Variants in CPLX2 observed in about 807,000 individuals in gnomAD.
CPLX2 encodes the protein complexin-2.
In CPLX2, 5 loss-of-function variants were observed where a neutral mutation model predicts 16.3. That is an observed-to-expected ratio of 0.31 (90% CI 0.16 to 0.64). CPLX2 has a LOEUF of 0.64. Ranked by LOEUF, CPLX2 falls within the 30% of genes least tolerant of loss-of-function variation. The probability of loss-of-function intolerance (pLI) is 0.79; values close to 1 mark genes in which losing one functional copy is unlikely to be tolerated. For synonymous variants in CPLX2, 89 were observed against 73.2 expected, an observed-to-expected ratio of 1.22 and a Z score of -1.10; for missense variants, 144 against 181.4, an observed-to-expected ratio of 0.79 and a Z score of 1.18.
At position 175,825,282 on chromosome 5, in the gene CPLX2, T is replaced by C. The variant is rs1005145410; in HGVS notation, c.-89+16214T>C. ...GGTGGCATGCACCTGTAGTCCCAGC[T>C]ACTTGGGAGGCTGAGGCAGAATTGC... On this transcript the variant is annotated intron_variant, in intron 2 of 4. Coordinates refer to the CPLX2 transcript ENST00000359546. 3.3e-5 allele frequency among the ~76,000 whole-genome samples: 5 copies of C among 151,914 alleles called. No individual in the cohort carries two copies. In the East Asian group the frequency reaches 9.7e-4, roughly 29 times the overall value.
At chr5:175,815,559 T>C (rs540852447) in intron 2 of CPLX2, among the ~76,000 whole-genome samples, 11 of 152,358 alleles carry the variant, frequency 7.2e-5, no homozygotes, top group African/African-American at 2.4e-4. Flanking sequence ...AGGAGTTCTA[T>C]GTGAAACTCC....
rs1755562333 is a variant in CPLX2, at chr5:175,880,587, C to A, written c.*542C>A. ...GGGATCTGGGTGGGAGGCTGGGGCT[C>A]TTCTTCTTCCATCTCCTTGGTGACA... On this transcript the variant is annotated 3_prime_UTR_variant, in exon 4 of 4. Transcript: ENST00000393745. 1 of 168,854 alleles carries A rather than the reference C, an allele frequency of 5.9e-6. No homozygotes were observed. Among genetic ancestry groups the A allele is most frequent in the Non-Finnish European group, 1.3e-5 (1 of 78,496 alleles). 10.5% of individuals were successfully genotyped at this position (168,854 alleles called of 1,614,324 possible). A position where few individuals can be genotyped will look rare whatever the true frequency, so the allele number is the denominator to read the frequency against.
chr5:175,818,748 G>A (rs1758455488), intron 2 of CPLX2, among the ~76,000 whole-genome samples: 1 of 130,280 alleles, frequency 7.7e-6, no homozygotes, highest in South Asian at 2.5e-4. Flanking sequence ...TGCAACCTCT[G>A]TCTCCCGGGT....
At chr5:175,811,981 C>T (rs1758320025) in intron 2 of CPLX2, among the ~76,000 whole-genome samples, 1 of 152,194 alleles carries the variant, frequency 6.6e-6, no homozygotes, top group African/African-American at 2.4e-5. Context: ...GGAAGGTCAA[C>T]TAGACTCAGC....
intron 2 of CPLX2, among the ~76,000 whole-genome samples, chr5:175,817,391 C>T (rs55890465): frequency 0.07 from 10,667 of 152,272 alleles, 463 homozygotes; most frequent in Non-Finnish European, 0.098. Context: ...TCTCTGACAT[C>T]ACGTGTCTAA....
intron 2 of CPLX2, among the ~76,000 whole-genome samples, chr5:175,820,973 T>C (rs1344871028): frequency 2.0e-5 from 3 of 152,148 alleles, no homozygotes; most frequent in East Asian, 1.9e-4. Context: ...CTGCTGGGGA[T>C]GGTGCGTCCT....
At chr5:175,822,411 G>A (rs1281164416) in intron 2 of CPLX2, among the ~76,000 whole-genome samples, 1 of 152,146 alleles carries the variant, frequency 6.6e-6, no homozygotes, top group Non-Finnish European at 1.5e-5. Flanking sequence ...TCATCATCTG[G>A]AAACAGCCTC....
chr5:175,814,974 G>T (rs1027179404), intron 2 of CPLX2, among the ~76,000 whole-genome samples: 3 of 152,210 alleles, frequency 2.0e-5, no homozygotes, highest in Non-Finnish European at 4.4e-5. Context: ...CGTGAGGGAG[G>T]GGTGGTTCCC....
At chr5:175,860,530 AAGAAAGAAAGATAGAT>A (rs1490352068) in intron 2 of CPLX2, among the ~76,000 whole-genome samples, 10 of 30,346 alleles carry the variant, frequency 3.3e-4, no homozygotes, top group African/African-American at 6.7e-4. Flanking sequence ...GAAAGAAAGA[AAGAAAGAAAGATAGAT>A]AGAAAGAAAG....
intron 1 of CPLX2, among the ~76,000 whole-genome samples, chr5:175,877,096 T>A (rs1049503268): frequency 6.6e-6 from 1 of 152,168 alleles, no homozygotes; most frequent in African/African-American, 2.4e-5. Context: ...GCAACCTTAA[T>A]ACTCCCCCAT....
At chr5:175,861,533 T>C (rs1759371582) in intron 2 of CPLX2, 1 of 152,060 alleles carries the variant, frequency 6.6e-6, no homozygotes, top group Non-Finnish European at 1.5e-5. Context: ...TTCACCGCCT[T>C]AATAGAGCCA....
chr5:175,817,033 C>G (rs1249112965), intron 2 of CPLX2, among the ~76,000 whole-genome samples: 1 of 152,266 alleles, frequency 6.6e-6, no homozygotes, highest in East Asian at 1.9e-4. Flanking sequence ...GGCTCAGACG[C>G]CAGTGCACTC....
chr5:175,842,706 G>A (rs1758966747), intron 2 of CPLX2, among the ~76,000 whole-genome samples: 1 of 152,298 alleles, frequency 6.6e-6, no homozygotes, highest in South Asian at 2.1e-4. Context: ...GCACTTGCAG[G>A]ACAGCTGCTC....
intron 2 of CPLX2, among the ~76,000 whole-genome samples, chr5:175,864,030 T>G (rs1759421252): frequency 6.6e-6 from 1 of 152,220 alleles, no homozygotes. Flanking sequence ...GTCTAGTGGT[T>G]AGTCTGCCCT....
chr5:175,857,055 C>A (rs1297274368), intron 2 of CPLX2, among the ~76,000 whole-genome samples: 1 of 152,184 alleles, frequency 6.6e-6, no homozygotes, highest in Admixed American at 6.5e-5. Flanking sequence ...TTATTAAAAC[C>A]TCCAAATGGC....
At position 175,883,815 on chromosome 5, in the gene CPLX2, G is replaced by A. The variant is rs569841606; in HGVS notation, c.*3770G>A. 92 of 152,776 alleles carry A rather than the reference G, an allele frequency of 6.0e-4. No individual in the cohort carries two copies. The highest frequency in any genetic ancestry group is 2.0e-3 in the African/African-American group (84 of 41,548). The allele number at this position is 152,776 out of a possible 1,614,324, so 9.5% of individuals were successfully genotyped here. On this transcript the variant is annotated 3_prime_UTR_variant, in exon 4 of 4. Transcript: ENST00000393745. The stretch of plus-strand genomic sequence containing the variant: ...GTGAGATGGACCATCCTGCCCCCGT[G>A]GGGGATCCCCTTTCCCACATCCGTG...
chr5:175,879,824 C>T lies in CPLX2; in HGVS notation c.208-24C>T, dbSNP rs371228931. The T allele has an allele frequency of 1.2e-5, 19 of 1,597,428 alleles. No homozygotes were observed. In the African/African-American group the frequency reaches 1.6e-4, roughly 13 times the overall value. On this transcript the variant is annotated intron_variant, in intron 3 of 3. Transcript: ENST00000393745. ...CTCCTTGCCCACCCCGCTTCATGCG[C>T]GTCTCTGCCCTCCCCCTCCCCAGTA...
In CPLX2 at chr5:175,883,117, G is replaced by A. The variant is rs531090608; in HGVS notation, c.*3072G>A. Reference sequence around the variant, plus strand: ...GGAAGGAGCAATCATTTGTAGATGGGTGAAAAAAGAATGAGGTTCAAGGGA... The same window carrying A: ...GGAAGGAGCAATCATTTGTAGATGGATGAAAAAAGAATGAGGTTCAAGGGA... On this transcript the variant is annotated 3_prime_UTR_variant, in exon 4 of 4. Transcript: ENST00000393745. The A allele has an allele frequency of 2.6e-5, 4 of 152,404 alleles. No individual in the cohort carries two copies. The East Asian group carries it at 7.7e-4, about 29-fold the overall frequency. The allele number at this position is 152,404 out of a possible 1,614,324, so 9.4% of individuals were successfully genotyped here. A position where few individuals can be genotyped will look rare whatever the true frequency, so the allele number is the denominator to read the frequency against.
intron 1 of CPLX2, among the ~76,000 whole-genome samples, chr5:175,873,601 C>T (rs1759686977): frequency 6.6e-6 from 1 of 152,136 alleles, no homozygotes; most frequent in Admixed American, 6.5e-5. Context: ...GGGAAGATGC[C>T]CTCACATCTT....
Sources: gnomAD v4.1 joint callset for allele counts (sites outside exome capture counted in the v4.1 genomes callset) on GRCh38, gnomAD v4.1.1 for gene constraint, MANE v1.5 for transcripts, NCBI Gene and HGNC (gene_info 2026-07-23, HGNC 2026-07-21) for gene names.